Variants in GARNL3 observed in about 807,000 individuals in gnomAD.
GARNL3 encodes the protein GTPase activating Rap/RanGAP domain like 3.
Under a neutral mutation model 125.0 loss-of-function variants are expected in GARNL3, and 63 were observed. That is an observed-to-expected ratio of 0.50 (90% confidence interval 0.41 to 0.62). GARNL3 has a LOEUF of 0.62. Ranked by LOEUF, GARNL3 falls within the 20% of genes least tolerant of loss-of-function variation. The pLI is 0.00. For synonymous variants in GARNL3, 439 were observed against 457.5 expected (o/e 0.96, Z 0.52); for missense variants, 994 against 1,244.0 (o/e 0.80, Z 3.02).
chr9:127,257,021 A>G (rs1195492205), intron 2 of GARNL3, among the ~76,000 whole-genome samples: 1 of 152,220 alleles, frequency 6.6e-6, no homozygotes, highest in African/African-American at 2.4e-5. Context: ...AATGAATCAT[A>G]CAATTTGTAA....
rs558056414 is a variant in GARNL3 at position 127,266,625 on chromosome 9, G to A, written c.144+1604G>A. ...ATCAGTTTTCTCATCTATAAAATGG[G>A]GATATTTCTGTTATCTACCTTAGAG... On this transcript the variant is annotated intron_variant, in intron 1 of 27. Coordinates refer to ENST00000373387, the MANE Select transcript of GARNL3 (RefSeq NM_032293.5). The surrounding 1 kb of genome is among the most constrained non-coding windows in gnomAD (Gnocchi z 4.0). Among the ~76,000 whole-genome samples, 1 of 152,162 alleles carries A rather than the reference G, an allele frequency of 6.6e-6. No individual in the cohort carries two copies. The highest frequency in any genetic ancestry group is 6.5e-5 in the Admixed American group (1 of 15,300).
chr9:127,231,050 A>ATATATATTTTT (rs1161629810), intron 1 of GARNL3, among the ~76,000 whole-genome samples: 3 of 89,544 alleles, frequency 3.4e-5, no homozygotes, highest in African/African-American at 1.6e-4. Context: ...ATATATATAT[A>ATATATATTTTT]TTTTTTTTTT....
intron 1 of GARNL3, among the ~76,000 whole-genome samples, chr9:127,271,582 G>A (rs2063825475): frequency 6.6e-6 from 1 of 150,410 alleles, no homozygotes; most frequent in Non-Finnish European, 1.5e-5. Flanking sequence ...GCAAGACACA[G>A]CTATCACACC....
intron 2 of GARNL3, chr9:127,300,711 TC>T: frequency 3.1e-6 from 1 of 325,086 alleles, no homozygotes; most frequent in South Asian, 2.6e-5. Flanking sequence ...CCCCTCGGCC[TC>T]CCAAAGTGCT....
At chr9:127,325,674 A>G (rs768260433) in intron 7 of GARNL3, among the ~76,000 whole-genome samples, 1 of 152,104 alleles carries the variant, frequency 6.6e-6, no homozygotes, top group East Asian at 1.9e-4. Flanking sequence ...CTCTCATCCT[A>G]TATCTAACCT....
intron 7 of GARNL3, among the ~76,000 whole-genome samples, chr9:127,328,731 TC>T (rs1231555321): frequency 1.3e-5 from 2 of 152,074 alleles, no homozygotes; most frequent in African/African-American, 4.8e-5. Context: ...GACTTTAGTT[TC>T]CCCCCATAGT....
chr9:127,385,544 A>G lies in GARNL3; in HGVS notation c.2388+399A>G, dbSNP rs956445291. On this transcript the variant is annotated intron_variant, in intron 24 of 27. Transcript: ENST00000373387. The surrounding 1 kb of genome is among the most constrained non-coding windows in gnomAD (Gnocchi z 4.1). The stretch of plus-strand genomic sequence containing the variant: ...TATCCTCAGTTTGAATTCTTAGCCT[A>G]TGAAACATGGCTAATTGATTAATCC... 2.0e-5 allele frequency among the ~76,000 whole-genome samples: 3 copies of G among 152,184 alleles called. No individual in the cohort carries two copies. Among genetic ancestry groups the G allele is most frequent in the Non-Finnish European group, 2.9e-5 (2 of 68,026 alleles).
At chr9:127,248,937 T>A (rs571674188) in intron 2 of GARNL3, among the ~76,000 whole-genome samples, 4 of 152,204 alleles carry the variant, frequency 2.6e-5, no homozygotes, top group African/African-American at 9.6e-5. Flanking sequence ...TTTGCCTGAC[T>A]TCTGTCACTA....
In GARNL3 at chr9:127,376,311, C is replaced by T. The variant is rs9776651; in HGVS notation, c.2162-7127C>T. 5.7e-3 allele frequency among the ~76,000 whole-genome samples: 860 copies of T among 151,952 alleles called. 7 individuals are homozygous for T. The highest frequency in any genetic ancestry group is 0.019 in the African/African-American group (785 of 41,442). On this transcript the variant is annotated intron_variant, in intron 22 of 27. Transcript: ENST00000373387. ...CTCGCTTACTGCAGGCTCCGCACCC[C>T]GAGTTCACGCCATTCTCCTGCCTCA... is the stretch of plus-strand genomic sequence containing the variant.
intron 2 of GARNL3, among the ~76,000 whole-genome samples, chr9:127,250,230 G>A (rs905367703): frequency 2.6e-5 from 4 of 152,170 alleles, no homozygotes; most frequent in African/African-American, 9.7e-5. Flanking sequence ...GGAAATGGGG[G>A]CTGGGAGGCA....
In GARNL3 at chr9:127,344,231, T is replaced by A. The variant is rs748725700; in HGVS notation, c.1252-4T>A. ...GGAATTCATAACTTGTTTTTCTTTT[T>A]TAGAACATGCTTAATAGACGATCTT... On this transcript the variant is annotated splice_polypyrimidine_tract_variant and splice_region_variant and intron_variant, in intron 14 of 27. Coordinates refer to ENST00000373387, the MANE Select transcript of GARNL3 (RefSeq NM_032293.5). 4 of 1,592,230 alleles carry A rather than the reference T, an allele frequency of 2.5e-6. No individual in the cohort carries two copies. Among genetic ancestry groups the A allele is most frequent in the Admixed American group, 1.8e-5 (1 of 55,290 alleles).
chr9:127,349,060 A>G lies in GARNL3; in HGVS notation c.1543+25A>G, dbSNP rs1251996594. 3 of 1,506,412 alleles carry G rather than the reference A, an allele frequency of 2.0e-6. No individual in the cohort carries two copies. In the African/African-American group the frequency reaches 4.1e-5, roughly 21 times the overall value. The allele number at this position is 1,506,412 out of a possible 1,614,324, so 93.3% of individuals were successfully genotyped here. On this transcript the variant is annotated intron_variant, in intron 17 of 27. Coordinates refer to ENST00000373387, the MANE Select transcript of GARNL3 (RefSeq NM_032293.5). Reference sequence around the variant, plus strand: ...GGTTAGTGAGTAGCTGCTCCTACAAATGTCTTTTTCATGTAACTTGTAGTA... The same window carrying G: ...GGTTAGTGAGTAGCTGCTCCTACAAGTGTCTTTTTCATGTAACTTGTAGTA...
At chr9:127,298,767 A>C (rs1385502269) in intron 2 of GARNL3, among the ~76,000 whole-genome samples, 1 of 152,204 alleles carries the variant, frequency 6.6e-6, no homozygotes, top group Non-Finnish European at 1.5e-5. Flanking sequence ...GTAGCTCAAA[A>C]AAGTCCTACC....
chr9:127,312,299 A>G (rs1447766068), intron 3 of GARNL3, among the ~76,000 whole-genome samples: 1 of 152,214 alleles, frequency 6.6e-6, no homozygotes, highest in Non-Finnish European at 1.5e-5. Context: ...TGATCCTGCC[A>G]TTATTAATCA....
intron 17 of GARNL3, among the ~76,000 whole-genome samples, chr9:127,351,773 A>C (rs1033314478): frequency 6.6e-6 from 1 of 152,248 alleles, no homozygotes; most frequent in African/African-American, 2.4e-5. Flanking sequence ...AGGAAACTGA[A>C]TACTGATTAA....
At chr9:127,323,338 G>C (rs1219482517) in intron 6 of GARNL3, among the ~76,000 whole-genome samples, 1 of 152,156 alleles carries the variant, frequency 6.6e-6, no homozygotes, top group African/African-American at 2.4e-5. Flanking sequence ...AGGACTATTC[G>C]CTTCTGAACA....
rs1288730794 is a variant in GARNL3, at chr9:127,387,250, T to C, written c.2446T>C (p.Ser816Pro). 6.2e-7 allele frequency: 1 copy of C among 1,613,920 alleles called. No homozygotes were observed. The highest frequency in any genetic ancestry group is 1.3e-5 in the African/African-American group (1 of 74,874). The change falls in exon 25 of 28, where the codon TCC becomes CCC. Residue 816 changes from serine to proline, a missense_variant. By Grantham distance (74) the Ser-to-Pro change is moderately conservative. Around this residue, in one of 5 missense-constraint regions of GARNL3, gnomAD observed 728 missense variants for 865.7 expected, o/e 0.84. Transcript: ENST00000373387. ...AVNEVSSGGS[S>P]KGASARNSPQ... is the part of the protein sequence containing the mutation. Reference sequence around the variant, plus strand: ...GAATGAGGTCTCATCTGGAGGCAGCTCCAAGGGGGCCAGTGCCCGAAATTC... The same window carrying C: ...GAATGAGGTCTCATCTGGAGGCAGCCCCAAGGGGGCCAGTGCCCGAAATTC...
At chr9:127,278,214 A>G (rs1211110862) in intron 1 of GARNL3, among the ~76,000 whole-genome samples, 2 of 152,262 alleles carry the variant, frequency 1.3e-5, no homozygotes, top group African/African-American at 4.8e-5. Context: ...GTGTAATCCT[A>G]CAAATAATCA....
intron 1 of GARNL3, among the ~76,000 whole-genome samples, chr9:127,228,893 G>A (rs1350041184): frequency 4.6e-5 from 7 of 151,848 alleles, no homozygotes; most frequent in African/African-American, 1.7e-4. Flanking sequence ...GCTCAATCTC[G>A]GCTCACTGCA....
Sources: allele counts gnomAD v4.1 joint callset (sites outside exome capture counted in the v4.1 genomes callset), GRCh38; gene constraint gnomAD v4.1.1; regional missense constraint gnomAD v4.1.1; non-coding constraint Gnocchi (gnomAD v3.1); transcripts MANE v1.5; gene names NCBI Gene and HGNC (gene_info 2026-07-23, HGNC 2026-07-21).